Variants in FAF1 observed in about 807,000 individuals in gnomAD.
The protein encoded by FAF1 is FAS-associated factor 1.
FAF1 carries 25 observed loss-of-function variants against 92.5 expected under a neutral mutation model. The observed-to-expected ratio is 0.27, with a 90% confidence interval of 0.20 to 0.38. The LOEUF (loss-of-function observed/expected upper bound fraction) is 0.38. Among genes scored for constraint, FAF1 ranks in the 10% least tolerant of loss-of-function variants. FAF1 has a pLI of 1.00. For synonymous variants in FAF1, 234 were observed against 273.2 expected, an observed-to-expected ratio of 0.86 and a Z score of 1.42; for missense variants, 636 against 793.3, an observed-to-expected ratio of 0.80 and a Z score of 2.38.
At chr1:50,760,889 G>T (rs1660298102) in intron 4 of FAF1, among the ~76,000 whole-genome samples, 1 of 152,028 alleles carries the variant, frequency 6.6e-6, no homozygotes, top group African/African-American at 2.4e-5. Flanking sequence ...AAAAATTAAT[G>T]AATCCAGGAG....
At chr1:50,871,305 C>T (rs1644526328) in intron 1 of FAF1, among the ~76,000 whole-genome samples, 1 of 152,180 alleles carries the variant, frequency 6.6e-6, no homozygotes, top group Admixed American at 6.5e-5. Flanking sequence ...CAGGACCTAG[C>T]TAATTGATGA....
At chr1:50,792,799 A>C (rs1661611033) in intron 3 of FAF1, among the ~76,000 whole-genome samples, 1 of 152,180 alleles carries the variant, frequency 6.6e-6, no homozygotes, top group South Asian at 2.1e-4. Context: ...ACGATTGAGA[A>C]AGACTCCTGA....
At chr1:50,930,828 C>T (rs994687372) in intron 1 of FAF1, among the ~76,000 whole-genome samples, 1 of 152,018 alleles carries the variant, frequency 6.6e-6, no homozygotes, top group Non-Finnish European at 1.5e-5. Flanking sequence ...AGGTAAAGCA[C>T]CAAATAGCCC....
chr1:50,450,661 T>A (rs1646283807), intron 18 of FAF1, among the ~76,000 whole-genome samples: 1 of 152,198 alleles, frequency 6.6e-6, no homozygotes, highest in South Asian at 2.1e-4. Flanking sequence ...TAATCACCTT[T>A]TGATGAGCTA....
At chr1:50,667,241 C>A (rs2124329207) in intron 7 of FAF1, among the ~76,000 whole-genome samples, 1 of 152,320 alleles carries the variant, frequency 6.6e-6, no homozygotes, top group East Asian at 1.9e-4. Context: ...CAAGGCTCTT[C>A]CTCTTATACA....
chr1:50,887,596 G>A (rs1005911405), intron 1 of FAF1, among the ~76,000 whole-genome samples: 1 of 152,156 alleles, frequency 6.6e-6, no homozygotes, highest in Non-Finnish European at 1.5e-5. Flanking sequence ...TTCTACATAT[G>A]GCTAGCCGGT....
At chr1:50,705,254 G>A (rs2124423005) in intron 7 of FAF1, among the ~76,000 whole-genome samples, 1 of 152,278 alleles carries the variant, frequency 6.6e-6, no homozygotes, top group Non-Finnish European at 1.5e-5. Context: ...GGTTGGTCGT[G>A]TTGAAGAAAA....
At chr1:50,561,603 G>A (rs1649903743) in intron 13 of FAF1, among the ~76,000 whole-genome samples, 1 of 152,134 alleles carries the variant, frequency 6.6e-6, no homozygotes, top group Non-Finnish European at 1.5e-5. Context: ...TGAGGCAGGT[G>A]GATCATGAGG....
intron 1 of FAF1, among the ~76,000 whole-genome samples, chr1:50,953,434 A>C (rs989540038): frequency 2.6e-5 from 4 of 151,622 alleles, no homozygotes; most frequent in African/African-American, 7.2e-5. Flanking sequence ...TTTTTAAAAA[A>C]AGAAAAAAAA....
chr1:50,838,092 C>G (rs998825766), intron 2 of FAF1, among the ~76,000 whole-genome samples: 2 of 152,006 alleles, frequency 1.3e-5, no homozygotes, highest in Admixed American at 1.3e-4. Context: ...GCACCTCTAT[C>G]ATCCCTTAAA....
intron 4 of FAF1, among the ~76,000 whole-genome samples, chr1:50,779,281 T>C (rs1403359844): frequency 6.6e-6 from 1 of 152,200 alleles, no homozygotes. Flanking sequence ...CTCCTATTAA[T>C]GTTGATATCT....
chr1:50,959,779 C>T lies in FAF1; in HGVS notation c.33G>A (p.Leu11=). The T allele has an allele frequency of 1.2e-6, 2 of 1,601,826 alleles. No individual in the cohort carries two copies. The highest frequency in any genetic ancestry group is 8.5e-7 in the Non-Finnish European group (1 of 1,173,878). ...CCAGATACTTCACCTGAAAATCCGC[C>T]AGGATCATCTCCCGGTCCATGTTGG... The part of the protein sequence containing the change: MASNMDREMI[L]ADFQACTGIE... The change falls in exon 1 of 19, where the codon CTG becomes CTA. Residue 11 remains leucine, a synonymous_variant. Coordinates refer to ENST00000396153, the MANE Select transcript of FAF1 (RefSeq NM_007051.3).
rs559944866 is a variant in FAF1 at position 50,756,680 on chromosome 1, G to A, written c.368-11905C>T. On this transcript the variant is annotated intron_variant, in intron 4 of 18. Coordinates refer to ENST00000396153, the MANE Select transcript of FAF1 (RefSeq NM_007051.3). ...ATTTATACAGAAGAAAGGGTTTAAC[G>A]GACTTATAGTTCCACATGGTTGGGG... is the stretch of plus-strand genomic sequence containing the variant. 9.9e-5 allele frequency among the ~76,000 whole-genome samples: 15 copies of A among 152,284 alleles called. No homozygotes were observed. The South Asian group carries it at 2.5e-3, about 25-fold the overall frequency.
intron 1 of FAF1, among the ~76,000 whole-genome samples, chr1:50,924,456 GAATT>G (rs1377760555): frequency 6.6e-6 from 1 of 152,108 alleles, no homozygotes; most frequent in African/African-American, 2.4e-5. Flanking sequence ...TTGATTAGAA[GAATT>G]AATATTGTTA....
chr1:50,864,888 T>C (rs898978369), intron 1 of FAF1, among the ~76,000 whole-genome samples: 11 of 151,808 alleles, frequency 7.2e-5, no homozygotes, highest in Admixed American at 2.0e-4. Context: ...GAAACTACCA[T>C]CAGAGTGAAC....
At chr1:50,729,034 CTATATATA>C (rs1553132882) in intron 6 of FAF1, among the ~76,000 whole-genome samples, 4 of 88,124 alleles carry the variant, frequency 4.5e-5, no homozygotes, top group African/African-American at 2.0e-4. Context: ...ATCTATCTAT[CTATATATA>C]TATATATATA....
chr1:50,807,008 C>T (rs927812646), intron 2 of FAF1, among the ~76,000 whole-genome samples: 10 of 152,168 alleles, frequency 6.6e-5, no homozygotes, highest in Non-Finnish European at 1.5e-4. Flanking sequence ...TAAAAACAAC[C>T]ACACTAATTC....
chr1:50,584,609 GT>G, intron 10 of FAF1, 75 bp downstream of exon 10: 2 of 1,446,736 alleles, frequency 1.4e-6, no homozygotes, highest in African/African-American at 1.4e-5. Flanking sequence ...AGATGTTTAA[GT>G]TTAATGTTCT....
At chr1:50,883,776 G>A (rs1048649019) in intron 1 of FAF1, among the ~76,000 whole-genome samples, 6 of 152,162 alleles carry the variant, frequency 3.9e-5, no homozygotes, top group Non-Finnish European at 7.3e-5. Flanking sequence ...GTGTTGCCTG[G>A]ATTTTAGAAG....
Sources: gnomAD v4.1 joint callset for allele counts (sites outside exome capture counted in the v4.1 genomes callset) on GRCh38, gnomAD v4.1.1 for gene constraint, MANE v1.5 for transcripts, NCBI Gene and HGNC (gene_info 2026-07-23, HGNC 2026-07-21) for gene names.